The following SELENOF variants were observed in gnomAD, a reference collection of about 807,000 sequenced individuals.
SELENOF encodes 15 kDa selenoprotein.
In SELENOF, 16 loss-of-function variants were observed where a neutral mutation model predicts 20.5. That is an observed-to-expected ratio of 0.78 (90% CI 0.53 to 1.19). SELENOF has a LOEUF of 1.19. Among genes scored for constraint, SELENOF ranks in the 50% most tolerant of loss-of-function variants. The pLI is 0.00. For missense variants in SELENOF, 215 were observed against 194.2 expected (o/e 1.11, Z -0.64); for synonymous variants, 78 against 74.5 (o/e 1.05, Z -0.24).
chr1:86,896,852 T>C (rs1460099986), intron 2 of SELENOF, among the ~76,000 whole-genome samples: 2 of 152,242 alleles, frequency 1.3e-5, no homozygotes, highest in Admixed American at 6.5e-5. Flanking sequence ...ATGAAAAAGA[T>C]ATTTATCAAG....
Position 86,867,733 on chromosome 1 carries a change from T to C in SELENOF, c.366+320A>G, listed in dbSNP as rs1332591250. Reference sequence around the variant, plus strand: ...CTATTAAATTTAATTAATATATCAATATTGATTCATCAATTGTAACAAATG... The same window carrying C: ...CTATTAAATTTAATTAATATATCAACATTGATTCATCAATTGTAACAAATG... On this transcript the variant is annotated intron_variant, in intron 4 of 4. Coordinates refer to ENST00000331835, the MANE Select transcript of SELENOF (RefSeq NM_004261.5). Among the ~76,000 whole-genome samples the C allele has an allele frequency of 6.8e-5, 10 of 147,074 alleles. No individual in the cohort carries two copies. The Admixed American group carries it at 7.1e-4, about 10-fold the overall frequency.
chr1:86,882,039 C>T (rs1268512168), intron 2 of SELENOF, among the ~76,000 whole-genome samples: 2 of 151,874 alleles, frequency 1.3e-5, no homozygotes, highest in Non-Finnish European at 2.9e-5. Context: ...AGAGACCATC[C>T]TGGCCAACAT....
At position 86,880,732 on chromosome 1, in the gene SELENOF, A is replaced by C. The variant is rs1400879498; in HGVS notation, c.253-7T>G. The C allele has an allele frequency of 6.5e-7, 1 of 1,545,396 alleles. No homozygotes were observed. The highest frequency in any genetic ancestry group is 1.3e-5 in the South Asian group (1 of 78,756). ...GAATAGCTCCTGCATACAGCTACAA[A>C]AGGAAAAACAGGAATTTAAAAAACT... is the stretch of plus-strand genomic sequence containing the variant. On this transcript the variant is annotated splice_region_variant and splice_polypyrimidine_tract_variant and intron_variant, in intron 2 of 4. Coordinates refer to ENST00000331835, the MANE Select transcript of SELENOF (RefSeq NM_004261.5).
At chr1:86,901,356 C>T (rs1246222313) in intron 2 of SELENOF, among the ~76,000 whole-genome samples, 3 of 151,554 alleles carry the variant, frequency 2.0e-5, no homozygotes, top group Non-Finnish European at 4.4e-5. Flanking sequence ...CCCAACATAC[C>T]ATACTTTTAT....
At position 86,862,461 on chromosome 1, in the gene SELENOF, C is replaced by A. The variant is rs929299843; in HGVS notation, c.*1013G>T. On this transcript the variant is annotated 3_prime_UTR_variant, in exon 5 of 5. Coordinates refer to ENST00000331835, the MANE Select transcript of SELENOF (RefSeq NM_004261.5). ...CACAGAAGGTTAAGCAAAGAAAAAT[C>A]ATTTTTAATATAAAAATTCTATATC... 1 of 152,034 alleles carries A rather than the reference C, an allele frequency of 6.6e-6. No homozygotes were observed. The highest frequency in any genetic ancestry group is 2.4e-5 in the African/African-American group (1 of 41,414). 9.4% of individuals were successfully genotyped at this position (152,034 alleles called of 1,614,324 possible). A position where few individuals can be genotyped will look rare whatever the true frequency, so the allele number is the denominator to read the frequency against.
Position 86,863,594 on chromosome 1 carries a change from A to C in SELENOF, c.378T>G (p.Gly126=), listed in dbSNP as rs372530201. 1.2e-6 allele frequency: 2 copies of C among 1,613,132 alleles called. No homozygotes were observed. Among genetic ancestry groups the C allele is most frequent in the Non-Finnish European group, 1.7e-6 (2 of 1,179,654 alleles). Residue 126 remains glycine (G), a synonymous_variant, in exon 5 of 5, where the codon GGT becomes GGG. Coordinates refer to ENST00000331835, the MANE Select transcript of SELENOF (RefSeq NM_004261.5). ...FRGLQIKYVR[G]SDPVLKLLDD... ...CCAAAAGCTTTAATACAGGGTCTGAACCACGGACATACTACAAAAAAGAGG... is the reference window on the plus strand; with the variant it reads ...CCAAAAGCTTTAATACAGGGTCTGACCCACGGACATACTACAAAAAAGAGG...
chr1:86,874,462 T>G (rs764292455), intron 3 of SELENOF, among the ~76,000 whole-genome samples: 2 of 152,214 alleles, frequency 1.3e-5, no homozygotes, highest in Non-Finnish European at 2.9e-5. Flanking sequence ...TCATTCATGC[T>G]GCCCCCTAGA....
In SELENOF at chr1:86,875,675, G is replaced by A. The variant is rs548836134; in HGVS notation, c.316+4987C>T. Among the ~76,000 whole-genome samples the A allele has an allele frequency of 1.0e-3, 157 of 152,308 alleles. 2 individuals carry two copies. Among genetic ancestry groups the A allele is most frequent in the Non-Finnish European group, 1.7e-3 (117 of 68,020 alleles). The stretch of plus-strand genomic sequence containing the variant: ...ACAAAAAACAGAACACAAACTTTGA[G>A]TTCTAAAGACTTCTAGTTTGATAGA... On this transcript the variant is annotated intron_variant, in intron 3 of 4. Transcript: ENST00000331835.
At chr1:86,899,643 AC>A (rs1204175741) in intron 2 of SELENOF, among the ~76,000 whole-genome samples, 1 of 122,674 alleles carries the variant, frequency 8.2e-6, no homozygotes. Context: ...CGGGGGGCTG[AC>A]CCCCCCATCT....
intron 2 of SELENOF, among the ~76,000 whole-genome samples, chr1:86,885,043 T>G (rs1263851226): frequency 1.3e-5 from 2 of 152,216 alleles, no homozygotes; most frequent in Non-Finnish European, 2.9e-5. Flanking sequence ...TGTAACAGGA[T>G]TTTAAAATAT....
chr1:86,908,113 T>A (rs1032401320), intron 1 of SELENOF, among the ~76,000 whole-genome samples: 12 of 152,300 alleles, frequency 7.9e-5, no homozygotes, highest in African/African-American at 2.9e-4. Flanking sequence ...AGAAACTGGG[T>A]TAACTGTACT....
At chr1:86,879,096 G>C (rs1658996674) in intron 3 of SELENOF, among the ~76,000 whole-genome samples, 1 of 152,074 alleles carries the variant, frequency 6.6e-6, no homozygotes, top group Non-Finnish European at 1.5e-5. Context: ...GCCAATCACA[G>C]TATCTAAGCT....
chr1:86,890,252 T>C (rs1659342229), intron 2 of SELENOF, among the ~76,000 whole-genome samples: 1 of 152,178 alleles, frequency 6.6e-6, no homozygotes, highest in African/African-American at 2.4e-5. Context: ...ATTTGCCTAC[T>C]TACTATAAGC....
intron 4 of SELENOF, among the ~76,000 whole-genome samples, chr1:86,867,635 G>A (rs1658636880): frequency 6.6e-6 from 1 of 152,042 alleles, no homozygotes; most frequent in South Asian, 2.1e-4. Flanking sequence ...TACTGTAATG[G>A]TAGATATGTA....
intron 2 of SELENOF, among the ~76,000 whole-genome samples, chr1:86,889,147 G>A (rs1243793686): frequency 6.6e-6 from 1 of 151,890 alleles, no homozygotes; most frequent in Non-Finnish European, 1.5e-5. Flanking sequence ...AGAAAAAAAA[G>A]AAACGAGGCC....
Position 86,895,824 on chromosome 1 carries a change from C to T in SELENOF, c.252+7457G>A, listed in dbSNP as rs568571552. ...ATAAGGCAAGTGTAAATGCAAAAGA[C>T]TAAAAATGCTAAAACCAATTATATC... On this transcript the variant is annotated intron_variant, in intron 2 of 4. Coordinates refer to ENST00000331835, the MANE Select transcript of SELENOF (RefSeq NM_004261.5). Among the ~76,000 whole-genome samples the T allele has an allele frequency of 4.8e-4, 73 of 152,162 alleles. 2 individuals are homozygous for T. The South Asian group carries it at 0.014, about 30-fold the overall frequency.
chr1:86,883,467 T>A (rs1659131226), intron 2 of SELENOF, among the ~76,000 whole-genome samples: 1 of 151,592 alleles, frequency 6.6e-6, no homozygotes, highest in South Asian at 2.2e-4. Context: ...TAGTGTATAG[T>A]GTATGTACAC....
chr1:86,903,835 T>G (rs1323086670), intron 1 of SELENOF, among the ~76,000 whole-genome samples: 1 of 152,128 alleles, frequency 6.6e-6, no homozygotes, highest in Non-Finnish European at 1.5e-5. Context: ...CCACCTTGGC[T>G]TCCCAAAGTG....
At chr1:86,869,428 T>C (rs999755557) in intron 3 of SELENOF, among the ~76,000 whole-genome samples, 5 of 152,208 alleles carry the variant, frequency 3.3e-5, no homozygotes, top group African/African-American at 9.7e-5. Flanking sequence ...GATTTTTCCT[T>C]TCTTTTTCAA....
Sources: allele counts gnomAD v4.1 joint callset (sites outside exome capture counted in the v4.1 genomes callset), GRCh38; gene constraint gnomAD v4.1.1; transcripts MANE v1.5; gene names NCBI Gene and HGNC (gene_info 2026-07-23, HGNC 2026-07-21).